The following UXS1 variants were observed in gnomAD, a reference collection of about 807,000 sequenced individuals.
The protein encoded by UXS1 is UDP-glucuronate decarboxylase 1.
UXS1 carries 33 observed loss-of-function variants against 62.6 expected under a neutral mutation model. The observed-to-expected ratio is 0.53, with a 90% CI of 0.40 to 0.70. The LOEUF (loss-of-function observed/expected upper bound fraction) is 0.70, where lower values mean the gene tolerates loss of function less well. Ranked by LOEUF, UXS1 falls within the 30% of genes least tolerant of loss-of-function variation. The probability of loss-of-function intolerance (pLI) is 0.00; values close to 1 mark genes in which losing one functional copy is unlikely to be tolerated. For missense variants in UXS1, 434 were observed against 556.3 expected, an observed-to-expected ratio of 0.78 and a Z score of 2.21; for synonymous variants, 213 against 206.8, an observed-to-expected ratio of 1.03 and a Z score of -0.26.
At chr2:106,104,922 C>T (rs1159695264) in intron 10 of UXS1, 85 bp from the exon 11 acceptor site, 15 of 1,551,590 alleles carry the variant, frequency 9.7e-6, no homozygotes, top group Admixed American at 3.3e-5. Flanking sequence ...GGACACAGTC[C>T]GACCTTGAAA....
chr2:106,154,806 G>A (rs185232730), intron 5 of UXS1, among the ~76,000 whole-genome samples: 57 of 152,286 alleles, frequency 3.7e-4, no homozygotes, highest in Non-Finnish European at 1.0e-4. Context: ...AACAAACAAT[G>A]GAGAAAGCAG....
intron 1 of UXS1, among the ~76,000 whole-genome samples, chr2:106,177,384 T>C (rs1283484883): frequency 6.6e-6 from 1 of 152,010 alleles, no homozygotes; most frequent in Non-Finnish European, 1.5e-5. Context: ...TTAGTAGAGA[T>C]GGGGTTTCGC....
rs1159483426 is a variant in UXS1 at position 106,125,662 on chromosome 2, C to T, written c.595G>A (p.Gly199Ser). The T allele has an allele frequency of 3.8e-6, 6 of 1,578,620 alleles. No homozygotes were observed. Among genetic ancestry groups the T allele is most frequent in the South Asian group, 2.3e-5 (2 of 85,486 alleles). The change falls in exon 8 of 15, where the codon GGT becomes AGT. Residue 199 changes from glycine (G) to serine (S), a missense_variant. Around this residue, in one of 3 missense-constraint regions of UXS1, gnomAD observed 134 missense variants for 251.9 expected, o/e 0.53. Transcript: ENST00000283148. The part of the protein sequence containing the change: ...LNMLGLAKRV[G>S]ARLLLASTSE... ...GTGGAGGCCAGGAGCAGACGGGCAC[C>T]GACTCGTTTTGCCAGCCCTACAGAA...
At chr2:106,150,592 G>A (rs1346465025) in intron 5 of UXS1, among the ~76,000 whole-genome samples, 2 of 152,238 alleles carry the variant, frequency 1.3e-5, no homozygotes, top group Non-Finnish European at 2.9e-5. Context: ...CCTTGGTGGT[G>A]TCCACGTGGT....
At chr2:106,099,193 T>C (rs561175834) in intron 12 of UXS1, among the ~76,000 whole-genome samples, 8 of 152,356 alleles carry the variant, frequency 5.3e-5, no homozygotes, top group Admixed American at 6.5e-5. Context: ...GAAGGACTTG[T>C]AATCTCACAC....
At chr2:106,176,792 G>A (rs1438430876) in intron 1 of UXS1, among the ~76,000 whole-genome samples, 2 of 152,218 alleles carry the variant, frequency 1.3e-5, no homozygotes, top group South Asian at 2.1e-4. Flanking sequence ...TAAAGCAAAG[G>A]GCGCTTGCTT....
intron 5 of UXS1, among the ~76,000 whole-genome samples, chr2:106,146,471 G>A (rs999865298): frequency 5.3e-5 from 8 of 152,232 alleles, no homozygotes; most frequent in South Asian, 2.1e-4. Context: ...TATTCACCAC[G>A]GTGAGAGAGT....
At chr2:106,102,257 A>G (rs1677658007) in intron 11 of UXS1, 1 of 152,208 alleles carries the variant, frequency 6.6e-6, no homozygotes, top group Non-Finnish European at 1.5e-5. Context: ...GTATTGCTAC[A>G]TTACAATAGT....
At chr2:106,143,694 C>T (rs1232427161) in intron 6 of UXS1, among the ~76,000 whole-genome samples, 1 of 152,096 alleles carries the variant, frequency 6.6e-6, no homozygotes, top group East Asian at 1.9e-4. Context: ...CAGCAAAATT[C>T]AGTTCCCTGA....
chr2:106,099,852 C>G (rs1378568280), intron 12 of UXS1, among the ~76,000 whole-genome samples: 2 of 152,206 alleles, frequency 1.3e-5, no homozygotes, highest in Non-Finnish European at 2.9e-5. Context: ...AAGTGGCACA[C>G]TGTACCCATG....
chr2:106,165,817 G>GT (rs1558743817), intron 2 of UXS1, among the ~76,000 whole-genome samples: 8 of 8,990 alleles, frequency 8.9e-4, no homozygotes, highest in South Asian at 3.2e-3. Context: ...AAGGAGGGAA[G>GT]CGGGGGTGGC....
At chr2:106,144,610 T>G (rs529366006) in intron 6 of UXS1, among the ~76,000 whole-genome samples, 1 of 152,350 alleles carries the variant, frequency 6.6e-6, no homozygotes, top group African/African-American at 2.4e-5. Flanking sequence ...CCATATTTAG[T>G]AACCAAAGAA....
In UXS1 at chr2:106,100,347, C is replaced by T. The variant is rs541798859; in HGVS notation, c.984+711G>A. Among the ~76,000 whole-genome samples, 5 of 152,290 alleles carry T rather than the reference C, an allele frequency of 3.3e-5. No homozygotes were observed. In the South Asian group the frequency reaches 1.0e-3, roughly 32 times the overall value. On this transcript the variant is annotated intron_variant, in intron 12 of 14. Transcript: ENST00000283148. ...GGAGGAGGCAGCTTAGGGGGTAGGA[C>T]CATCTCCTTCAAATCCTTGGAGAGT...
intron 10 of UXS1, among the ~76,000 whole-genome samples, chr2:106,108,751 G>A (rs747758522): frequency 7.9e-5 from 12 of 152,156 alleles, no homozygotes; most frequent in Middle Eastern, 3.2e-3. Flanking sequence ...GAGGGGCAGC[G>A]AGGAGCTCTC....
chr2:106,168,299 G>T (rs1022096933), intron 1 of UXS1, among the ~76,000 whole-genome samples: 1 of 151,590 alleles, frequency 6.6e-6, no homozygotes, highest in African/African-American at 2.4e-5. Flanking sequence ...TCTTACCAGC[G>T]CCATGACAGT....
chr2:106,127,686 T>C (rs1243746350), intron 7 of UXS1, among the ~76,000 whole-genome samples: 1 of 152,186 alleles, frequency 6.6e-6, no homozygotes, highest in Non-Finnish European at 1.5e-5. Flanking sequence ...GTTCATGGCA[T>C]CTTGTCTCAA....
intron 6 of UXS1, among the ~76,000 whole-genome samples, chr2:106,144,894 T>TATGAATTTGGGGC (rs1558721302): frequency 6.6e-6 from 1 of 152,082 alleles, no homozygotes; most frequent in Non-Finnish European, 1.5e-5. Flanking sequence ...GAATTTGGGG[T>TATGAATTTGGGGC]GACACCAACA....
intron 1 of UXS1, among the ~76,000 whole-genome samples, chr2:106,192,205 T>C (rs149020699): frequency 6.6e-6 from 1 of 152,216 alleles, no homozygotes; most frequent in Non-Finnish European, 1.5e-5. Context: ...TAGTGCCAAA[T>C]TCAGGGACAA....
intron 11 of UXS1, among the ~76,000 whole-genome samples, chr2:106,103,391 G>A (rs1428564818): frequency 6.6e-6 from 1 of 152,190 alleles, no homozygotes; most frequent in African/African-American, 2.4e-5. Flanking sequence ...CCCGAGGCAG[G>A]CACACATAAC....
Sources: allele counts gnomAD v4.1 joint callset (sites outside exome capture counted in the v4.1 genomes callset), GRCh38; gene constraint gnomAD v4.1.1; regional missense constraint gnomAD v4.1.1; transcripts MANE v1.5; gene names NCBI Gene and HGNC (gene_info 2026-07-23, HGNC 2026-07-21).